GRM8: variants seen among roughly 807,000 people sequenced by gnomAD.
The protein encoded by GRM8 is glutamate metabotropic receptor 8.
A neutral mutation model predicts 87.2 loss-of-function variants in GRM8; 47 were observed. The observed-to-expected ratio is 0.54, with a 90% confidence interval of 0.43 to 0.69. The LOEUF is 0.69. GRM8 is among the 30% of genes least tolerant of loss of function. The pLI is 0.00. For missense variants in GRM8, 1,019 were observed against 1,139.2 expected (o/e 0.89, Z 1.52); for synonymous variants, 396 against 404.5 (o/e 0.98, Z 0.25).
At chr7:126,642,367 G>T (rs187687594) in intron 7 of GRM8, among the ~76,000 whole-genome samples, 2 of 152,220 alleles carry the variant, frequency 1.3e-5, no homozygotes, top group East Asian at 3.9e-4. Flanking sequence ...GGCCAGGGGC[G>T]GTGGTTCACG....
rs1030031069 is a variant in GRM8, at chr7:126,725,152, A to C, written c.1357+44713T>G. ...ACTTTTAGATTTGTATTTTCAGACA[A>C]AATTGGCTTCTCTAAGGGTAGTTTT... On this transcript the variant is annotated intron_variant, in intron 7 of 10. Transcript: ENST00000339582. Among the ~76,000 whole-genome samples, 8 of 152,352 alleles carry C rather than the reference A, an allele frequency of 5.3e-5. No homozygotes were observed. The South Asian group carries it at 6.2e-4, about 12-fold the overall frequency.
At chr7:127,091,374 C>T (rs945602768) in intron 3 of GRM8, among the ~76,000 whole-genome samples, 1 of 148,922 alleles carries the variant, frequency 6.7e-6, no homozygotes, top group African/African-American at 2.5e-5. Context: ...ACTGATCATC[C>T]TCCCATCCCA....
In GRM8 at chr7:126,852,976, T is replaced by C. The variant is rs74627925; in HGVS notation, c.1156+49566A>G. ...TGACTTAGTGTTGCTCCAAGCAGTT[T>C]AGAAGTAAACAGTAACTTTGCTAGC... On this transcript the variant is annotated intron_variant, in intron 6 of 10. Coordinates refer to ENST00000339582, the MANE Select transcript of GRM8 (RefSeq NM_000845.3). Among the ~76,000 whole-genome samples the C allele has an allele frequency of 6.9e-4, 105 of 152,342 alleles. 1 individual carries two copies. In the East Asian group the frequency reaches 0.02, roughly 29 times the overall value.
chr7:127,095,105 T>C (rs1426118128), intron 3 of GRM8, among the ~76,000 whole-genome samples: 1 of 152,144 alleles, frequency 6.6e-6, no homozygotes, highest in East Asian at 1.9e-4. Context: ...GAATAGGTAG[T>C]ATGTCATGGT....
At chr7:126,574,518 T>C (rs1009799861) in intron 8 of GRM8, among the ~76,000 whole-genome samples, 2 of 152,098 alleles carry the variant, frequency 1.3e-5, no homozygotes, top group Admixed American at 1.3e-4. Context: ...CTCTAAGGAG[T>C]TAGGGATTTT....
At chr7:126,633,710 T>C (rs918524069) in intron 7 of GRM8, among the ~76,000 whole-genome samples, 5 of 152,104 alleles carry the variant, frequency 3.3e-5, no homozygotes, top group African/African-American at 7.2e-5. Context: ...ATTTTTTGTA[T>C]GTTAAAATAA....
At chr7:126,782,181 G>A (rs1011087203) in intron 6 of GRM8, among the ~76,000 whole-genome samples, 3 of 152,072 alleles carry the variant, frequency 2.0e-5, no homozygotes, top group East Asian at 3.8e-4. Context: ...TTGAGAGGTG[G>A]GTTTGTATAC....
chr7:126,812,131 G>A (rs1424184528), intron 6 of GRM8, among the ~76,000 whole-genome samples: 1 of 151,752 alleles, frequency 6.6e-6, no homozygotes, highest in Non-Finnish European at 1.5e-5. Context: ...TATACAAATA[G>A]CTTTTTAAAA....
chr7:126,839,574 T>G (rs1339730502), intron 6 of GRM8, among the ~76,000 whole-genome samples: 1 of 152,150 alleles, frequency 6.6e-6, no homozygotes, highest in African/African-American at 2.4e-5. Context: ...AATCTGATAC[T>G]GAGAATTACA....
intron 9 of GRM8, among the ~76,000 whole-genome samples, chr7:126,525,616 C>T (rs1322811071): frequency 6.6e-6 from 1 of 152,218 alleles, no homozygotes; most frequent in Non-Finnish European, 1.5e-5. Flanking sequence ...ACCACTTATG[C>T]ATCTTGGGTT....
chr7:126,951,463 G>T (rs1157378395), intron 3 of GRM8, among the ~76,000 whole-genome samples: 1 of 151,940 alleles, frequency 6.6e-6, no homozygotes, highest in East Asian at 1.9e-4. Flanking sequence ...CAATGATGAG[G>T]ATCCAAAATG....
intron 9 of GRM8, among the ~76,000 whole-genome samples, chr7:126,466,007 T>A (rs1440536025): frequency 1.3e-5 from 2 of 151,972 alleles, no homozygotes. Context: ...TTGCTAATAA[T>A]GCATTTTAAG....
At chr7:126,576,422 A>G (rs1248823461) in intron 8 of GRM8, among the ~76,000 whole-genome samples, 2 of 152,088 alleles carry the variant, frequency 1.3e-5, no homozygotes, top group Non-Finnish European at 2.9e-5. Flanking sequence ...AACTGGAACT[A>G]CATGCACAAG....
intron 6 of GRM8, among the ~76,000 whole-genome samples, chr7:126,879,616 A>G (rs1193833963): frequency 1.3e-5 from 2 of 149,496 alleles, no homozygotes; most frequent in African/African-American, 5.0e-5. Flanking sequence ...AAAGCCGTAC[A>G]TCACCACATA....
intron 3 of GRM8, among the ~76,000 whole-genome samples, chr7:127,050,739 C>T (rs994905314): frequency 8.5e-5 from 13 of 152,152 alleles, no homozygotes; most frequent in South Asian, 8.3e-4. Flanking sequence ...GAGCCGATGA[C>T]GTTCTAATTG....
intron 2 of GRM8, among the ~76,000 whole-genome samples, chr7:127,209,278 C>T (rs1796081944): frequency 6.6e-6 from 1 of 152,318 alleles, no homozygotes; most frequent in East Asian, 1.9e-4. Flanking sequence ...AAAGAAATTA[C>T]TCAAGTACGA....
At chr7:126,665,879 ATCT>A (rs1350853609) in intron 7 of GRM8, among the ~76,000 whole-genome samples, 1 of 152,132 alleles carries the variant, frequency 6.6e-6, no homozygotes, top group African/African-American at 2.4e-5. Context: ...GTTTTCAATA[ATCT>A]TCTTGATAAT....
At chr7:126,982,654 T>C (rs1811651647) in intron 3 of GRM8, among the ~76,000 whole-genome samples, 2 of 151,376 alleles carry the variant, frequency 1.3e-5, no homozygotes, top group Admixed American at 6.6e-5. Context: ...ATTTTCTTAG[T>C]ACAAGTGTGT....
intron 7 of GRM8, among the ~76,000 whole-genome samples, chr7:126,752,913 T>C (rs141578475): frequency 7.2e-4 from 109 of 152,220 alleles, no homozygotes; most frequent in Non-Finnish European, 1.3e-3. Flanking sequence ...TTACATTTTG[T>C]AGTTGCTTGT....
Sources: allele counts gnomAD v4.1 joint callset (sites outside exome capture counted in the v4.1 genomes callset), GRCh38; gene constraint gnomAD v4.1.1; transcripts MANE v1.5; gene names NCBI Gene and HGNC (gene_info 2026-07-23, HGNC 2026-07-21).